PAPPA: variants seen among roughly 807,000 people sequenced by gnomAD.
PAPPA encodes pappalysin 1.
PAPPA carries 60 observed loss-of-function variants against 164.0 expected under a neutral mutation model. The observed-to-expected ratio is 0.37, with a 90% CI of 0.30 to 0.45. The LOEUF is 0.45. Ranked by LOEUF, PAPPA falls within the 20% of genes least tolerant of loss-of-function variation. The probability of loss-of-function intolerance (pLI) is 1.00; values close to 1 mark genes in which losing one functional copy is unlikely to be tolerated. For synonymous variants in PAPPA, 875 were observed against 814.1 expected (o/e 1.07, Z -1.27); for missense variants, 1,782 against 2,087.3 (o/e 0.85, Z 2.85).
intron 1 of PAPPA, among the ~76,000 whole-genome samples, chr9:116,179,861 G>GCAAAA (rs772474089): frequency 6.6e-6 from 1 of 152,122 alleles, no homozygotes; most frequent in South Asian, 2.1e-4. Context: ...GGAAGGGAAA[G>GCAAAA]CAAAACAAAA....
At chr9:116,373,533 G>A (rs1164976880) in intron 19 of PAPPA, 1 of 152,122 alleles carries the variant, frequency 6.6e-6, no homozygotes, top group Admixed American at 6.5e-5. Context: ...CAGGAGGGGT[G>A]TCAGATCTGA....
At position 116,334,902 on chromosome 9, in the gene PAPPA, C is replaced by A; in HGVS notation, c.3439C>A (p.Pro1147Thr). 1.9e-6 allele frequency: 3 copies of A among 1,613,976 alleles called. No individual in the cohort carries two copies. The highest frequency in any genetic ancestry group is 2.5e-6 in the Non-Finnish European group (3 of 1,179,958). ...CTGCAGGAACAATCCCCTGATTATC[C>A]CTGTGGTCCATGACCTCAGCCAGCC... ...LSCRNNPLII[P>T]VVHDLSQPFY... Residue 1147 changes from proline to threonine, a missense_variant, in exon 13 of 22, where the codon CCT becomes ACT. Pro to Thr is a conservative substitution (Grantham distance 38). Around this residue, in one of 2 missense-constraint regions of PAPPA, gnomAD observed 1,324 missense variants for 1,656.9 expected, o/e 0.80. Coordinates refer to ENST00000328252, the MANE Select transcript of PAPPA (RefSeq NM_002581.5).
intron 8 of PAPPA, among the ~76,000 whole-genome samples, chr9:116,268,922 G>T (rs1845105786): frequency 6.6e-6 from 1 of 152,054 alleles, no homozygotes; most frequent in Non-Finnish European, 1.5e-5. Flanking sequence ...TTCATGGAAT[G>T]ATGCAAGTTA....
In PAPPA at chr9:116,161,753, T is replaced by C. The variant is rs576799332; in HGVS notation, c.415+7166T>C. The stretch of plus-strand genomic sequence containing the variant: ...TCTGGGGGTAGTGGTTGGTGAGAGA[T>C]TAGCAAACTGATAACAATTGTTGAA... On this transcript the variant is annotated intron_variant, in intron 1 of 21. Coordinates refer to ENST00000328252, the MANE Select transcript of PAPPA (RefSeq NM_002581.5). 3.4e-4 allele frequency among the ~76,000 whole-genome samples: 51 copies of C among 151,534 alleles called. 1 individual carries two copies. In the South Asian group the frequency reaches 8.4e-3, roughly 25 times the overall value.
intron 19 of PAPPA, among the ~76,000 whole-genome samples, chr9:116,368,578 A>G (rs912641907): frequency 2.6e-5 from 4 of 152,108 alleles, no homozygotes; most frequent in South Asian, 4.1e-4. Flanking sequence ...GTGTCACCCA[A>G]TCAACTGGGG....
At chr9:116,303,242 G>T (rs1007307975) in intron 10 of PAPPA, among the ~76,000 whole-genome samples, 8 of 152,164 alleles carry the variant, frequency 5.3e-5, no homozygotes, top group African/African-American at 1.9e-4. Flanking sequence ...TTTCAATGAG[G>T]TAAGAATGAA....
At chr9:116,272,796 G>A (rs1051750486) in intron 9 of PAPPA, among the ~76,000 whole-genome samples, 4 of 152,154 alleles carry the variant, frequency 2.6e-5, no homozygotes, top group African/African-American at 9.7e-5. Flanking sequence ...AAGAACTTTG[G>A]ATTAAAATTA....
At chr9:116,192,002 G>C (rs1844048326) in intron 2 of PAPPA, among the ~76,000 whole-genome samples, 1 of 152,136 alleles carries the variant, frequency 6.6e-6, no homozygotes, top group Non-Finnish European at 1.5e-5. Context: ...GTATGGAGGG[G>C]ATTTCCTGGC....
At chr9:116,304,753 A>G (rs1211298871) in intron 10 of PAPPA, among the ~76,000 whole-genome samples, 2 of 152,226 alleles carry the variant, frequency 1.3e-5, no homozygotes, top group Non-Finnish European at 2.9e-5. Flanking sequence ...CATTATAAAT[A>G]CTAGCTCTTC....
intron 20 of PAPPA, among the ~76,000 whole-genome samples, chr9:116,378,171 G>C (rs1461131886): frequency 1.3e-5 from 2 of 152,112 alleles, no homozygotes; most frequent in African/African-American, 4.8e-5. Context: ...CCTAACCATT[G>C]AGCTGAAGTG....
At chr9:116,325,822 A>G (rs912668559) in intron 10 of PAPPA, among the ~76,000 whole-genome samples, 1 of 152,238 alleles carries the variant, frequency 6.6e-6, no homozygotes, top group African/African-American at 2.4e-5. Context: ...GGTACAGAAC[A>G]TAAGTGAGAA....
chr9:116,156,330 A>ATATACATGTATATATATG lies in PAPPA; in HGVS notation c.415+1744_415+1745insATACATGTATATATATGT, dbSNP rs796777806. 2.1e-4 allele frequency among the ~76,000 whole-genome samples: 17 copies of ATATACATGTATATATATG among 82,208 alleles called. No homozygotes were observed. In the South Asian group the frequency reaches 5.2e-3, roughly 25 times the overall value. The allele number at this position is 82,208 out of a possible 152,430, so 53.9% of individuals were successfully genotyped here. On this transcript the variant is annotated intron_variant, in intron 1 of 21. Coordinates refer to ENST00000328252, the MANE Select transcript of PAPPA (RefSeq NM_002581.5). ...TGTATATATATGTGTGTATATATAT[A>ATATACATGTATATATATG]TGTGTATATATATATATGTATATAT...
chr9:116,195,396 T>A (rs1844091612), intron 2 of PAPPA, among the ~76,000 whole-genome samples: 1 of 152,086 alleles, frequency 6.6e-6, no homozygotes, highest in Admixed American at 6.6e-5. Context: ...AATAAGGAGC[T>A]CGAAACAGTG....
intron 10 of PAPPA, among the ~76,000 whole-genome samples, chr9:116,313,481 A>G (rs1049857885): frequency 2.0e-5 from 3 of 152,246 alleles, no homozygotes; most frequent in Admixed American, 2.0e-4. Flanking sequence ...GGTAATGCCC[A>G]TGTCTGCAGT....
At chr9:116,220,253 C>G in intron 5 of PAPPA, 124 bp downstream of exon 5, 1 of 661,202 alleles carries the variant, frequency 1.5e-6, no homozygotes, top group Non-Finnish European at 2.5e-6. Context: ...CAAAAGGTAT[C>G]TCCACCACCT....
chr9:116,193,783 A>G (rs1199890884), intron 2 of PAPPA, among the ~76,000 whole-genome samples: 2 of 152,188 alleles, frequency 1.3e-5, no homozygotes, highest in African/African-American at 4.8e-5. Flanking sequence ...CTGTGATTCA[A>G]TGACATTTTG....
intron 21 of PAPPA, among the ~76,000 whole-genome samples, chr9:116,383,777 C>A (rs1048007491): frequency 6.6e-6 from 1 of 152,148 alleles, no homozygotes. Context: ...GCATGCCTAC[C>A]CTTCTTTGGT....
intron 17 of PAPPA, among the ~76,000 whole-genome samples, chr9:116,360,123 T>C (rs968655230): frequency 6.6e-6 from 1 of 152,190 alleles, no homozygotes; most frequent in Non-Finnish European, 1.5e-5. Flanking sequence ...CTGGCCCAAG[T>C]AGTGCTGAGG....
intron 10 of PAPPA, among the ~76,000 whole-genome samples, chr9:116,325,610 T>C (rs1845910979): frequency 6.6e-6 from 1 of 152,156 alleles, no homozygotes; most frequent in South Asian, 2.1e-4. Flanking sequence ...CACTTGCCTT[T>C]CAATTCCTCC....
Sources: allele counts gnomAD v4.1 joint callset (sites outside exome capture counted in the v4.1 genomes callset), GRCh38; gene constraint gnomAD v4.1.1; regional missense constraint gnomAD v4.1.1; transcripts MANE v1.5; gene names NCBI Gene and HGNC (gene_info 2026-07-23, HGNC 2026-07-21).